Variants in GFOD1 observed in about 807,000 individuals in gnomAD.
GFOD1 encodes the protein Gfo/Idh/MocA-like oxidoreductase domain containing 1, also known as glucose-fructose oxidoreductase domain-containing protein 1.
In GFOD1, 9 loss-of-function variants were observed where a neutral mutation model predicts 25.4. The observed-to-expected ratio is 0.35, with a 90% CI of 0.21 to 0.62. GFOD1 has a LOEUF of 0.62. Ranked by LOEUF, GFOD1 falls within the 20% of genes least tolerant of loss-of-function variation. The pLI, the probability that GFOD1 is intolerant of heterozygous loss-of-function variation, is 0.72. For missense variants in GFOD1, 403 were observed against 556.9 expected (o/e 0.72, Z 2.78); for synonymous variants, 253 against 245.6 (o/e 1.03, Z -0.28).
At chr6:13,472,019 G>T in intron 1 of GFOD1, 1 of 162,436 alleles carries the variant, frequency 6.2e-6, no homozygotes, top group Non-Finnish European at 1.3e-5. Flanking sequence ...ATCATGGGGG[G>T]AGGTGAAAAG....
chr6:13,385,489 G>T (rs1347830181), intron 1 of GFOD1, among the ~76,000 whole-genome samples: 1 of 152,218 alleles, frequency 6.6e-6, no homozygotes, highest in Non-Finnish European at 1.5e-5. Context: ...GTGGACAGAA[G>T]ATAGGAATGT....
At chr6:13,442,961 G>T (rs149788817) in intron 1 of GFOD1, among the ~76,000 whole-genome samples, 1 of 152,298 alleles carries the variant, frequency 6.6e-6, no homozygotes, top group East Asian at 1.9e-4. Context: ...TCCTCTGAAG[G>T]ATCTGTGCAA....
At chr6:13,413,987 TA>T (rs1417884592) in intron 1 of GFOD1, among the ~76,000 whole-genome samples, 1 of 152,260 alleles carries the variant, frequency 6.6e-6, no homozygotes, top group African/African-American at 2.4e-5. Context: ...TTCTAGATTC[TA>T]CAGATGATGC....
chr6:13,429,361 A>T (rs1757707475), intron 1 of GFOD1, among the ~76,000 whole-genome samples: 1 of 152,220 alleles, frequency 6.6e-6, no homozygotes, highest in Non-Finnish European at 1.5e-5. Flanking sequence ...TATGCCATCA[A>T]CCAGGATGCT....
intron 1 of GFOD1, among the ~76,000 whole-genome samples, chr6:13,476,281 A>G (rs1219895264): frequency 6.6e-6 from 1 of 152,264 alleles, no homozygotes; most frequent in Non-Finnish European, 1.5e-5. Flanking sequence ...TGAACTTCTG[A>G]GCCGTGCAAC....
At chr6:13,389,906 T>C (rs1020364255) in intron 1 of GFOD1, among the ~76,000 whole-genome samples, 3 of 152,180 alleles carry the variant, frequency 2.0e-5, no homozygotes, top group Non-Finnish European at 4.4e-5. Flanking sequence ...ATGTTTACCA[T>C]GATTTACCTC....
chr6:13,432,215 A>ATTCTT (rs765082921), intron 1 of GFOD1, among the ~76,000 whole-genome samples: 1 of 151,446 alleles, frequency 6.6e-6, no homozygotes, highest in Admixed American at 6.6e-5. Flanking sequence ...GTTAAGTAAT[A>ATTCTT]TTCTTTTCTT....
intron 1 of GFOD1, among the ~76,000 whole-genome samples, chr6:13,390,514 C>A (rs1785567150): frequency 6.6e-6 from 1 of 151,906 alleles, no homozygotes; most frequent in Admixed American, 6.6e-5. Flanking sequence ...TTCCTTGAAC[C>A]CAGGAGTTTG....
intron 1 of GFOD1, among the ~76,000 whole-genome samples, chr6:13,420,097 G>T (rs1286061267): frequency 2.0e-5 from 3 of 152,104 alleles, no homozygotes; most frequent in African/African-American, 7.3e-5. Context: ...GCACAGAGAA[G>T]GGGCTCAGTC....
chr6:13,422,645 A>G (rs576582985), intron 1 of GFOD1, among the ~76,000 whole-genome samples: 1 of 152,348 alleles, frequency 6.6e-6, no homozygotes, highest in African/African-American at 2.4e-5. Context: ...CAGGGAAAAA[A>G]GGAATGAAAA....
At chr6:13,448,236 G>A (rs57443437) in intron 1 of GFOD1, among the ~76,000 whole-genome samples, 4,120 of 152,272 alleles carry the variant, frequency 0.027, 210 homozygotes, top group African/African-American at 0.094. Flanking sequence ...CTGACTCTGG[G>A]GACAATCATC....
intron 1 of GFOD1, among the ~76,000 whole-genome samples, chr6:13,403,797 T>C (rs1785894412): frequency 6.6e-6 from 1 of 152,250 alleles, no homozygotes. Flanking sequence ...TGGTTTCATT[T>C]ATATAAAATC....
At chr6:13,419,386 G>A (rs544670972) in intron 1 of GFOD1, among the ~76,000 whole-genome samples, 2 of 152,172 alleles carry the variant, frequency 1.3e-5, no homozygotes, top group South Asian at 4.2e-4. Flanking sequence ...GACATTGATC[G>A]CCCTACAATA....
chr6:13,417,968 C>T (rs1220542842), intron 1 of GFOD1, among the ~76,000 whole-genome samples: 2 of 152,076 alleles, frequency 1.3e-5, no homozygotes, highest in African/African-American at 4.8e-5. Context: ...AATTTCAAAA[C>T]AATATGCAAC....
Position 13,365,722 on chromosome 6 carries a change from T to C in GFOD1, c.254-60A>G, listed in dbSNP as rs1257775482. 5.9e-6 allele frequency: 7 copies of C among 1,177,876 alleles called. No homozygotes were observed. In the South Asian group the frequency reaches 9.3e-5, roughly 16 times the overall value. 73.0% of individuals were successfully genotyped at this position (1,177,876 alleles called of 1,614,324 possible). On this transcript the variant is annotated intron_variant, in intron 1 of 1. Coordinates refer to ENST00000379287, the MANE Select transcript of GFOD1 (RefSeq NM_018988.4). The surrounding 1 kb of genome is among the most constrained non-coding windows in gnomAD (Gnocchi z 9.2). ...AGGACCATGTCCGAGCGCGCGTCCC[T>C]GGGTCAGATCTTAAAATATTTCACA...
At chr6:13,397,663 G>A (rs911851462) in intron 1 of GFOD1, among the ~76,000 whole-genome samples, 5 of 152,180 alleles carry the variant, frequency 3.3e-5, no homozygotes, top group Admixed American at 2.0e-4. Flanking sequence ...GAGCAGGGTG[G>A]GGAACAGGAC....
At chr6:13,453,355 A>T (rs1473130190) in intron 1 of GFOD1, among the ~76,000 whole-genome samples, 7 of 152,186 alleles carry the variant, frequency 4.6e-5, no homozygotes, top group Non-Finnish European at 5.9e-5. Flanking sequence ...TCATTTTTGT[A>T]TGCACCTCAC....
chr6:13,473,067 C>T (rs1758542489), intron 1 of GFOD1, among the ~76,000 whole-genome samples: 1 of 152,104 alleles, frequency 6.6e-6, no homozygotes, highest in Admixed American at 6.5e-5. Context: ...ACACCAGTGA[C>T]ACAAATCCAG....
At chr6:13,468,966 A>G (rs779773814) in intron 1 of GFOD1, among the ~76,000 whole-genome samples, 3 of 152,222 alleles carry the variant, frequency 2.0e-5, no homozygotes, top group Non-Finnish European at 2.9e-5. Context: ...TTCCTCCCCT[A>G]TGGAGCCCTT....
Sources: allele counts gnomAD v4.1 joint callset (sites outside exome capture counted in the v4.1 genomes callset), GRCh38; gene constraint gnomAD v4.1.1; non-coding constraint Gnocchi (gnomAD v3.1); transcripts MANE v1.5; gene names NCBI Gene and HGNC (gene_info 2026-07-23, HGNC 2026-07-21).